The following SUGT1 variants were observed in gnomAD, a reference collection of about 807,000 sequenced individuals.
The protein encoded by SUGT1 is SGT1 assembly cochaperone of MIS12 kinetochore complex.
Under a neutral mutation model 56.1 loss-of-function variants are expected in SUGT1, and 15 were observed. The ratio of observed to expected loss-of-function variants is 0.27; its 90% CI spans 0.18 to 0.41. SUGT1 has a LOEUF of 0.41. Among genes scored for constraint, SUGT1 ranks in the 10% least tolerant of loss-of-function variants. The pLI, the probability that SUGT1 is intolerant of heterozygous loss-of-function variation, is 1.00. For missense variants in SUGT1, 347 were observed against 382.2 expected (o/e 0.91, Z 0.77); for synonymous variants, 123 against 128.6 (o/e 0.96, Z 0.30).
intron 12 of SUGT1, among the ~76,000 whole-genome samples, chr13:52,681,131 A>G (rs906043307): frequency 6.6e-6 from 1 of 152,012 alleles, no homozygotes; most frequent in Non-Finnish European, 1.5e-5. Flanking sequence ...AGGCACCTCA[A>G]CCAGCCTCAC....
intron 3 of SUGT1, 106 bp from the exon 4 acceptor site, chr13:52,658,293 A>C (rs1962258871): frequency 1.2e-5 from 18 of 1,558,972 alleles, no homozygotes; most frequent in Middle Eastern, 1.9e-4. Context: ...ACCATTTGGC[A>C]TTTCTACCAA....
intron 5 of SUGT1, among the ~76,000 whole-genome samples, chr13:52,659,810 ATATATTTTTTTTTTTTTTTT>A (rs1301868330): frequency 4.6e-5 from 1 of 21,580 alleles, no homozygotes; most frequent in African/African-American, 1.8e-4. Context: ...ATATATATAT[ATATATTTTTTTTTTTTTTTT>A]TTTTTTTTTT....
Position 52,688,422 on chromosome 13 carries a change from C to T in SUGT1, c.*587C>T, listed in dbSNP as rs1010464970. On this transcript the variant is annotated 3_prime_UTR_variant, in exon 13 of 13. Coordinates refer to ENST00000310528, the MANE Select transcript of SUGT1 (RefSeq NM_006704.5). ...TTTAATTGCACTGAGATATTTTGGTCGTTACCTTGCAAGTTTCTGTATAAA... is the reference window on the plus strand; with the variant it reads ...TTTAATTGCACTGAGATATTTTGGTTGTTACCTTGCAAGTTTCTGTATAAA... 7 of 152,120 alleles carry T rather than the reference C, an allele frequency of 4.6e-5. No individual in the cohort carries two copies. Among genetic ancestry groups the T allele is most frequent in the Non-Finnish European group, 8.8e-5 (6 of 67,996 alleles). 9.4% of individuals were successfully genotyped at this position (152,120 alleles called of 1,614,324 possible).
chr13:52,694,784 G>C lies in SUGT1; in HGVS notation c.*6949G>C, dbSNP rs545811438. The C allele has an allele frequency of 6.6e-6, 1 of 152,424 alleles. No homozygotes were observed. Among genetic ancestry groups the C allele is most frequent in the Admixed American group, 6.5e-5 (1 of 15,308 alleles). The allele number at this position is 152,424 out of a possible 1,614,324, so 9.4% of individuals were successfully genotyped here. A position where few individuals can be genotyped will look rare whatever the true frequency, so the allele number is the denominator to read the frequency against. On this transcript the variant is annotated 3_prime_UTR_variant, in exon 13 of 13. Transcript: ENST00000310528. ...GGCTCACTGCAAGCTCCGCCTCCCG[G>C]TTCACGCCATTCTCATGCCTCAGCC...
In SUGT1 at chr13:52,696,663, T is replaced by G. The variant is rs1963943053; in HGVS notation, c.*8828T>G. 6.6e-6 allele frequency: 1 copy of G among 152,204 alleles called. No homozygotes were observed. Among genetic ancestry groups the G allele is most frequent in the Admixed American group, 6.5e-5 (1 of 15,278 alleles). The allele number at this position is 152,204 out of a possible 1,614,324, so 9.4% of individuals were successfully genotyped here. On this transcript the variant is annotated 3_prime_UTR_variant, in exon 13 of 13. Coordinates refer to ENST00000310528, the MANE Select transcript of SUGT1 (RefSeq NM_006704.5). Reference sequence around the variant, plus strand: ...TCAAAAAGATGAGGTCTTGCTGTGGTGCTCAGGCTGGAGTGCAGTGGCTGT... The same window carrying G: ...TCAAAAAGATGAGGTCTTGCTGTGGGGCTCAGGCTGGAGTGCAGTGGCTGT...
At chr13:52,679,443 T>G (rs1963283077) in intron 11 of SUGT1, among the ~76,000 whole-genome samples, 2 of 152,206 alleles carry the variant, frequency 1.3e-5, no homozygotes, top group Non-Finnish European at 2.9e-5. Context: ...ACTTTTTTGA[T>G]GGGAGAGTAT....
intron 2 of SUGT1, among the ~76,000 whole-genome samples, chr13:52,655,399 G>T (rs1594226866): frequency 6.6e-6 from 1 of 152,138 alleles, no homozygotes; most frequent in Non-Finnish European, 1.5e-5. Flanking sequence ...ATGGAGATCC[G>T]TCAAGAATTT....
chr13:52,659,144 G>A (rs1366413018), intron 4 of SUGT1, 35 bp from the exon 5 acceptor site: 3 of 1,484,824 alleles, frequency 2.0e-6, no homozygotes, highest in South Asian at 1.4e-5. Context: ...CAGATTTTTT[G>A]TGTGTCTTAA....
Position 52,659,201 on chromosome 13 carries a change from A to G in SUGT1, c.280A>G (p.Asn94Asp). 1 of 1,487,046 alleles carries G rather than the reference A, an allele frequency of 6.7e-7. No homozygotes were observed. The allele number at this position is 1,487,046 out of a possible 1,614,324, so 92.1% of individuals were successfully genotyped here. A position where few individuals can be genotyped will look rare whatever the true frequency, so the allele number is the denominator to read the frequency against. ...CAGAATATGTGAATACCATGAAAAA[A>G]ACTATGCTGCTGCCCTAGAAACTTT... ...RKGICEYHEK[N>D]YAAALETFTE... The change falls in exon 5 of 13, where the codon AAC becomes GAC. Residue 94 changes from asparagine to aspartate, a missense_variant. Coordinates refer to ENST00000310528, the MANE Select transcript of SUGT1 (RefSeq NM_006704.5).
intron 10 of SUGT1, among the ~76,000 whole-genome samples, chr13:52,672,344 C>T (rs890988125): frequency 1.3e-5 from 2 of 152,154 alleles, no homozygotes; most frequent in African/African-American, 4.8e-5. Context: ...GAGGCTGTGT[C>T]CTTATGTACC....
chr13:52,657,145 A>G (rs958373775), intron 2 of SUGT1, among the ~76,000 whole-genome samples: 1 of 152,166 alleles, frequency 6.6e-6, no homozygotes, highest in Non-Finnish European at 1.5e-5. Context: ...ACAGCTTAAC[A>G]TTTTCTAGGA....
intron 10 of SUGT1, among the ~76,000 whole-genome samples, chr13:52,670,687 A>G (rs1206582158): frequency 6.6e-6 from 1 of 152,146 alleles, no homozygotes; most frequent in East Asian, 1.9e-4. Flanking sequence ...GGGTGCCTGT[A>G]GTCCCAGCTA....
intron 3 of SUGT1, chr13:52,658,023 A>G: frequency 3.7e-6 from 4 of 1,076,660 alleles, no homozygotes; most frequent in Non-Finnish European, 4.7e-6. Flanking sequence ...GGAGTTCAAG[A>G]CCAGCCTGGG....
At chr13:52,670,749 A>G (rs1204399202) in intron 10 of SUGT1, among the ~76,000 whole-genome samples, 1 of 152,158 alleles carries the variant, frequency 6.6e-6, no homozygotes, top group Non-Finnish European at 1.5e-5. Context: ...CGGAGGTTGC[A>G]GTGAGCCGAG....
intron 10 of SUGT1, among the ~76,000 whole-genome samples, chr13:52,668,601 A>G (rs1038519326): frequency 5.9e-5 from 9 of 152,188 alleles, no homozygotes; most frequent in African/African-American, 2.2e-4. Context: ...AAGGGATGAA[A>G]TCTTACCAGG....
At chr13:52,687,074 A>AAAG (rs1292281257) in intron 12 of SUGT1, 1 of 146,804 alleles carries the variant, frequency 6.8e-6, no homozygotes, top group East Asian at 1.9e-4. Flanking sequence ...GTCTCAAAAA[A>AAAG]AAAAAAAAAA....
At position 52,694,031 on chromosome 13, in the gene SUGT1, C is replaced by G. The variant is rs1963854556; in HGVS notation, c.*6196C>G. On this transcript the variant is annotated 3_prime_UTR_variant, in exon 13 of 13. Coordinates refer to ENST00000310528, the MANE Select transcript of SUGT1 (RefSeq NM_006704.5). ...TATACCGCAATAAAACTTATGTGAA[C>G]AGTTATTTTTGGACAGCAGTTGACT... 6.6e-6 allele frequency: 1 copy of G among 152,088 alleles called. No homozygotes were observed. The highest frequency in any genetic ancestry group is 2.4e-5 in the African/African-American group (1 of 41,396). 9.4% of individuals were successfully genotyped at this position (152,088 alleles called of 1,614,324 possible).
rs1312567458 is a variant in SUGT1, at chr13:52,698,241, A to C, written c.*10406A>C. The stretch of plus-strand genomic sequence containing the variant: ...GCAAACATGTATTTGCATTTCATCC[A>C]CTGTCAGTATGAGGAGACAAAAACG... On this transcript the variant is annotated 3_prime_UTR_variant, in exon 13 of 13. Transcript: ENST00000310528. 1 of 152,080 alleles carries C rather than the reference A, an allele frequency of 6.6e-6. No homozygotes were observed. Among genetic ancestry groups the C allele is most frequent in the Non-Finnish European group, 1.5e-5 (1 of 67,998 alleles). 9.4% of individuals were successfully genotyped at this position (152,080 alleles called of 1,614,324 possible).
At position 52,695,577 on chromosome 13, in the gene SUGT1, A is replaced by G. The variant is rs1168720346; in HGVS notation, c.*7742A>G. 6.6e-6 allele frequency: 1 copy of G among 152,182 alleles called. No homozygotes were observed. Among genetic ancestry groups the G allele is most frequent in the Admixed American group, 6.5e-5 (1 of 15,282 alleles). 9.4% of individuals were successfully genotyped at this position (152,182 alleles called of 1,614,324 possible). A position where few individuals can be genotyped will look rare whatever the true frequency, so the allele number is the denominator to read the frequency against. ...AGTCCTTGATTTATTTTTTCCCCTC[A>G]GTCCTGTTTAGTGTTGAAATTCTTC... On this transcript the variant is annotated 3_prime_UTR_variant, in exon 13 of 13. Coordinates refer to ENST00000310528, the MANE Select transcript of SUGT1 (RefSeq NM_006704.5).
Sources: allele counts gnomAD v4.1 joint callset (sites outside exome capture counted in the v4.1 genomes callset), GRCh38; gene constraint gnomAD v4.1.1; transcripts MANE v1.5; gene names NCBI Gene and HGNC (gene_info 2026-07-23, HGNC 2026-07-21).